Variants in LMNB1 observed in about 807,000 individuals in gnomAD.
The protein encoded by LMNB1 is lamin-B1.
In LMNB1, 23 loss-of-function variants were observed where a neutral mutation model predicts 67.1. The ratio of observed to expected loss-of-function variants is 0.34; its 90% CI spans 0.25 to 0.49. LMNB1 has a LOEUF of 0.49. Among genes scored for constraint, LMNB1 ranks in the 20% least tolerant of loss-of-function variants. The pLI is 0.99. For missense variants in LMNB1, 634 were observed against 746.5 expected (o/e 0.85, Z 1.76); for synonymous variants, 281 against 282.9 (o/e 0.99, Z 0.07).
At chr5:126,827,886 A>G (rs1317219426) in intron 9 of LMNB1, among the ~76,000 whole-genome samples, 3 of 152,194 alleles carry the variant, frequency 2.0e-5, no homozygotes, top group Non-Finnish European at 4.4e-5. Flanking sequence ...GTCTGCTCCC[A>G]TAGTGCCACG....
At chr5:126,787,532 A>G (rs1156641620) in intron 1 of LMNB1, among the ~76,000 whole-genome samples, 2 of 93,204 alleles carry the variant, frequency 2.1e-5, no homozygotes, top group African/African-American at 4.1e-5. Flanking sequence ...GGGTATATAT[A>G]TATATATATA....
At chr5:126,811,366 T>A (rs373553241) in intron 4 of LMNB1, among the ~76,000 whole-genome samples, 3 of 152,286 alleles carry the variant, frequency 2.0e-5, no homozygotes, top group African/African-American at 7.2e-5. Context: ...AAACTAGTAT[T>A]TTCTGCTTGT....
At chr5:126,784,532 T>C (rs1278068625) in intron 1 of LMNB1, among the ~76,000 whole-genome samples, 4 of 150,892 alleles carry the variant, frequency 2.7e-5, no homozygotes, top group Non-Finnish European at 4.4e-5. Flanking sequence ...ATTTTTTGTA[T>C]TTTTAGTAGA....
chr5:126,777,975 A>G, intron 1 of LMNB1, 108 bp downstream of exon 1: 1 of 1,019,834 alleles, frequency 9.8e-7, no homozygotes, highest in African/African-American at 1.7e-5. Context: ...GCCAGGATGC[A>G]CGCGTCCTTC....
chr5:126,827,781 A>G (rs1752029721), intron 9 of LMNB1, among the ~76,000 whole-genome samples: 1 of 152,226 alleles, frequency 6.6e-6, no homozygotes, highest in Non-Finnish European at 1.5e-5. Flanking sequence ...AGTCAGAGGA[A>G]AATGGTGTGT....
At chr5:126,826,266 T>C (rs1270658173) in intron 9 of LMNB1, among the ~76,000 whole-genome samples, 159 bp downstream of exon 9, 1 of 152,244 alleles carries the variant, frequency 6.6e-6, no homozygotes, top group African/African-American at 2.4e-5. Context: ...GTTTTAGGAA[T>C]AAATAGGAGT....
intron 10 of LMNB1, among the ~76,000 whole-genome samples, chr5:126,833,235 T>C (rs533997449): frequency 3.9e-5 from 6 of 152,234 alleles, no homozygotes; most frequent in Non-Finnish European, 7.3e-5. Context: ...TGTATTAAGT[T>C]CCTAATCATT....
At chr5:126,830,517 G>A (rs939612361) in intron 9 of LMNB1, among the ~76,000 whole-genome samples, 1 of 152,100 alleles carries the variant, frequency 6.6e-6, no homozygotes, top group Non-Finnish European at 1.5e-5. Flanking sequence ...ACGGCTTTCT[G>A]TATTAGATTA....
In LMNB1 at chr5:126,820,291, C is replaced by T. The variant is rs569421780; in HGVS notation, c.1161-619C>T. On this transcript the variant is annotated intron_variant, in intron 6 of 10. Coordinates refer to ENST00000261366, the MANE Select transcript of LMNB1 (RefSeq NM_005573.4). ...AAAAGTACACCAACTATAACAGTGG[C>T]TGTGGTGGGTGGTGGTAGATCAGAT... Among the ~76,000 whole-genome samples the T allele has an allele frequency of 3.9e-5, 6 of 152,246 alleles. No homozygotes were observed. In the South Asian group the frequency reaches 1.2e-3, roughly 32 times the overall value.
At chr5:126,830,702 A>T (rs998772368) in intron 9 of LMNB1, among the ~76,000 whole-genome samples, 6 of 152,204 alleles carry the variant, frequency 3.9e-5, no homozygotes, top group African/African-American at 1.2e-4. Flanking sequence ...ATGTTTGCAT[A>T]TGGGATGTAT....
intron 5 of LMNB1, among the ~76,000 whole-genome samples, chr5:126,816,521 G>T (rs1484817099): frequency 1.3e-5 from 2 of 152,088 alleles, no homozygotes; most frequent in Non-Finnish European, 2.9e-5. Flanking sequence ...AGCATCTTAT[G>T]TTACCATAGT....
chr5:126,782,141 G>A (rs1580521876), intron 1 of LMNB1, among the ~76,000 whole-genome samples: 1 of 152,056 alleles, frequency 6.6e-6, no homozygotes. Context: ...TTAACTATAC[G>A]GGAAAACTAG....
chr5:126,808,053 G>T (rs1265014613), intron 3 of LMNB1, among the ~76,000 whole-genome samples: 1 of 152,022 alleles, frequency 6.6e-6, no homozygotes, highest in Non-Finnish European at 1.5e-5. Context: ...TGTATTTTTA[G>T]TAGAGACAGG....
chr5:126,798,533 T>C (rs985574563), intron 1 of LMNB1, among the ~76,000 whole-genome samples: 2 of 152,176 alleles, frequency 1.3e-5, no homozygotes, highest in African/African-American at 2.4e-5. Context: ...CCTTAAGAAT[T>C]TTTTTTCATG....
chr5:126,809,114 A>T (rs1460562939), intron 3 of LMNB1, among the ~76,000 whole-genome samples: 7 of 152,130 alleles, frequency 4.6e-5, no homozygotes, highest in Non-Finnish European at 1.0e-4. Context: ...ACCTCAGGTG[A>T]TCTGATTGCC....
intron 8 of LMNB1, 116 bp downstream of exon 8, chr5:126,823,001 T>G (rs1018235940): frequency 3.7e-5 from 25 of 680,464 alleles, no homozygotes; most frequent in Non-Finnish European, 5.2e-5. Context: ...AAGTACTTTT[T>G]ATATTATTAG....
chr5:126,811,984 C>T (rs17165328), intron 5 of LMNB1, 86 bp downstream of exon 5: 33,993 of 1,316,064 alleles, frequency 0.026, 558 homozygotes, highest in Non-Finnish European at 0.03. Flanking sequence ...GCTGATGTCA[C>T]TCCTCCCTCT....
At chr5:126,804,149 TGCA>T (rs1422093880) in intron 1 of LMNB1, among the ~76,000 whole-genome samples, 2 of 151,796 alleles carry the variant, frequency 1.3e-5, no homozygotes, top group African/African-American at 4.8e-5. Context: ...CATGGCTCAC[TGCA>T]GCCTCAACCT....
At chr5:126,823,651 G>A (rs1000230607) in intron 8 of LMNB1, among the ~76,000 whole-genome samples, 14 of 152,042 alleles carry the variant, frequency 9.2e-5, no homozygotes, top group South Asian at 2.1e-4. Context: ...AATATTAAAC[G>A]CATGTTTTAA....
Sources: allele counts gnomAD v4.1 joint callset (sites outside exome capture counted in the v4.1 genomes callset), GRCh38; gene constraint gnomAD v4.1.1; transcripts MANE v1.5; gene names NCBI Gene and HGNC (gene_info 2026-07-23, HGNC 2026-07-21).